The following XRCC4 variants were observed in gnomAD, a reference collection of about 807,000 sequenced individuals.
The protein encoded by XRCC4 is DNA repair protein XRCC4.
A neutral mutation model predicts 39.1 loss-of-function variants in XRCC4; 28 were observed. That is an observed-to-expected ratio of 0.72 (90% CI 0.53 to 0.98). XRCC4 has a LOEUF of 0.98. Among genes scored for constraint, XRCC4 ranks in the 50% least tolerant of loss-of-function variants. The pLI is 0.00. For synonymous variants in XRCC4, 123 were observed against 126.4 expected (o/e 0.97, Z 0.18); for missense variants, 350 against 376.4 (o/e 0.93, Z 0.58).
At chr5:83,185,678 T>C (rs935917127) in intron 3 of XRCC4, among the ~76,000 whole-genome samples, 2 of 151,896 alleles carry the variant, frequency 1.3e-5, no homozygotes, top group Admixed American at 6.6e-5. Context: ...ATGTTATTGG[T>C]AAATGGATAG....
intron 3 of XRCC4, among the ~76,000 whole-genome samples, chr5:83,123,410 T>C (rs548269940): frequency 7.2e-5 from 11 of 152,128 alleles, no homozygotes; most frequent in Non-Finnish European, 1.3e-4. Flanking sequence ...TGCTTTTAAT[T>C]ATTTTTCTCT....
intron 7 of XRCC4, among the ~76,000 whole-genome samples, chr5:83,325,843 C>A (rs1292577490): frequency 1.3e-5 from 2 of 151,948 alleles, no homozygotes; most frequent in African/African-American, 4.8e-5. Context: ...ATTGCTGGGT[C>A]CGATGGTATT....
chr5:83,234,346 T>C (rs1752609212), intron 6 of XRCC4, among the ~76,000 whole-genome samples: 1 of 152,200 alleles, frequency 6.6e-6, no homozygotes, highest in Non-Finnish European at 1.5e-5. Flanking sequence ...TGATTTTTCA[T>C]AATATGCATT....
intron 6 of XRCC4, among the ~76,000 whole-genome samples, chr5:83,238,417 A>C (rs1752779405): frequency 6.6e-6 from 1 of 152,168 alleles, no homozygotes; most frequent in Non-Finnish European, 1.5e-5. Flanking sequence ...ATAAGCCTTC[A>C]CACCCCTGGG....
chr5:83,161,197 G>A (rs1428621892), intron 3 of XRCC4, among the ~76,000 whole-genome samples: 1 of 150,558 alleles, frequency 6.6e-6, no homozygotes, highest in Non-Finnish European at 1.5e-5. Flanking sequence ...TGCAACCTCT[G>A]CCTCCTGGGT....
intron 7 of XRCC4, among the ~76,000 whole-genome samples, chr5:83,300,158 C>T (rs1409041424): frequency 6.6e-6 from 1 of 152,112 alleles, no homozygotes. Context: ...TGCAAACATA[C>T]TTTTTGGTTA....
chr5:83,100,537 A>G (rs182679377), intron 1 of XRCC4, among the ~76,000 whole-genome samples: 5 of 152,294 alleles, frequency 3.3e-5, no homozygotes, highest in Admixed American at 2.0e-4. Context: ...CACAGTAATT[A>G]TAAGTGCTGT....
At chr5:83,092,043 G>T (rs1268581819) in intron 1 of XRCC4, among the ~76,000 whole-genome samples, 1 of 151,984 alleles carries the variant, frequency 6.6e-6, no homozygotes, top group Non-Finnish European at 1.5e-5. Flanking sequence ...TGTTGATAGT[G>T]GCCATTCTCA....
chr5:83,305,524 T>C (rs1157149481), intron 7 of XRCC4, among the ~76,000 whole-genome samples: 1 of 152,174 alleles, frequency 6.6e-6, no homozygotes, highest in African/African-American at 2.4e-5. Flanking sequence ...ACTTTTATTA[T>C]ATAGAACACT....
At chr5:83,339,257 T>A (rs893036420) in intron 7 of XRCC4, among the ~76,000 whole-genome samples, 1 of 152,192 alleles carries the variant, frequency 6.6e-6, no homozygotes, top group Admixed American at 6.6e-5. Flanking sequence ...CTGACCCCTT[T>A]TTAATATCTT....
At chr5:83,363,794 T>G in the XRCC4 span, among the ~76,000 whole-genome samples, 3 of 152,212 alleles carry the variant, frequency 2.0e-5, no homozygotes, top group South Asian at 6.2e-4. Context: ...ACTTCCTTTT[T>G]TGAACATTCC....
rs973684700 is a variant in XRCC4, at chr5:83,299,738, G to A, written c.893+41061G>A. 1.3e-4 allele frequency among the ~76,000 whole-genome samples: 20 copies of A among 151,938 alleles called. No individual in the cohort carries two copies. The South Asian group carries it at 2.1e-3, about 16-fold the overall frequency. ...ATCATGTTTTATTTTTAGATATTAC[G>A]TGTTGTTTTCAAATGTGCTTTGTCA... On this transcript the variant is annotated intron_variant, in intron 7 of 7. Coordinates refer to ENST00000396027, the MANE Select transcript of XRCC4 (RefSeq NM_003401.5).
intron 7 of XRCC4, among the ~76,000 whole-genome samples, chr5:83,299,964 T>C (rs560507922): frequency 1.9e-3 from 290 of 152,326 alleles, no homozygotes; most frequent in Non-Finnish European, 3.7e-3. Flanking sequence ...GTGATAGCCA[T>C]TTCATGGAAA....
chr5:83,344,127 A>ATC (rs1491397036), intron 7 of XRCC4, among the ~76,000 whole-genome samples: 2 of 110,128 alleles, frequency 1.8e-5, no homozygotes, highest in Non-Finnish European at 3.5e-5. Flanking sequence ...ACTGACACAG[A>ATC]TCTCACACAC....
At chr5:83,367,097 C>T in the XRCC4 span, among the ~76,000 whole-genome samples, 6 of 152,062 alleles carry the variant, frequency 3.9e-5, no homozygotes, top group African/African-American at 1.4e-4. Context: ...GATTCTCAAT[C>T]GATATTTTTT....
intron 7 of XRCC4, among the ~76,000 whole-genome samples, chr5:83,325,051 A>G (rs1235377037): frequency 3.3e-5 from 5 of 152,030 alleles, no homozygotes; most frequent in Admixed American, 2.6e-4. Flanking sequence ...CTTCTTTGGC[A>G]GGTAGGTGTC....
chr5:83,274,196 T>C (rs1243973676), intron 7 of XRCC4, among the ~76,000 whole-genome samples: 2 of 152,200 alleles, frequency 1.3e-5, no homozygotes, highest in Non-Finnish European at 2.9e-5. Flanking sequence ...TACTCAACTG[T>C]CTAGGTTTGA....
chr5:83,334,782 A>G (rs1038021262), intron 7 of XRCC4, among the ~76,000 whole-genome samples: 1 of 151,886 alleles, frequency 6.6e-6, no homozygotes, highest in Admixed American at 6.6e-5. Context: ...AAGTTTTTGC[A>G]ATGCATATGT....
rs28360149 is a variant in XRCC4 at position 83,203,747 on chromosome 5, A to G, written c.638+40A>G. 3,732 of 1,597,806 alleles carry G rather than the reference A, an allele frequency of 2.3e-3. 31 individuals are homozygous for G. In the African/African-American group the frequency reaches 0.027, roughly 12 times the overall value. On this transcript the variant is annotated intron_variant, in intron 5 of 7. Transcript: ENST00000396027. ...TTGTTTTTGGATGACAGATGAATAC[A>G]TTTAAGTGGAATTTCTTCCCAAAGT...
Sources: gnomAD v4.1 joint callset for allele counts (sites outside exome capture counted in the v4.1 genomes callset) on GRCh38, gnomAD v4.1.1 for gene constraint, MANE v1.5 for transcripts, NCBI Gene and HGNC (gene_info 2026-07-23, HGNC 2026-07-21) for gene names.